The following NFATC3 variants were observed in gnomAD, a reference collection of about 807,000 sequenced individuals.
The protein encoded by NFATC3 is nuclear factor of activated T-cells, cytoplasmic 3.
NFATC3 carries 46 observed loss-of-function variants against 98.6 expected under a neutral mutation model. The observed-to-expected ratio is 0.47, with a 90% confidence interval of 0.37 to 0.60. The LOEUF (loss-of-function observed/expected upper bound fraction) is 0.60, where lower values mean the gene tolerates loss of function less well. Ranked by LOEUF, NFATC3 falls within the 20% of genes least tolerant of loss-of-function variation. The probability of loss-of-function intolerance (pLI) is 0.00; values close to 1 mark genes in which losing one functional copy is unlikely to be tolerated. For synonymous variants in NFATC3, 512 were observed against 472.2 expected (o/e 1.08, Z -1.09); for missense variants, 1,256 against 1,295.5 (o/e 0.97, Z 0.47).
chr16:68,196,612 T>C (rs941524412), intron 9 of NFATC3, among the ~76,000 whole-genome samples: 2 of 151,618 alleles, frequency 1.3e-5, no homozygotes, highest in African/African-American at 4.8e-5. Flanking sequence ...GAGAATTGCT[T>C]GAACCCGGGA....
At chr16:68,145,560 C>T (rs1288832377) in intron 3 of NFATC3, among the ~76,000 whole-genome samples, 5 of 152,180 alleles carry the variant, frequency 3.3e-5, no homozygotes, top group African/African-American at 1.2e-4. Flanking sequence ...ACTGTTGATA[C>T]ATGCAACAAC....
intron 9 of NFATC3, among the ~76,000 whole-genome samples, chr16:68,206,720 C>G (rs997700960): frequency 2.6e-5 from 4 of 152,144 alleles, no homozygotes; most frequent in African/African-American, 9.7e-5. Flanking sequence ...CAGTAGCTCA[C>G]GTCTCTAATC....
Position 68,191,611 on chromosome 16 carries a change from C to T in NFATC3, c.2942C>T (p.Thr981Met), listed in dbSNP as rs1221156861. 1.9e-6 allele frequency: 3 copies of T among 1,614,126 alleles called. No homozygotes were observed. The highest frequency in any genetic ancestry group is 2.2e-5 in the East Asian group (1 of 44,878). The change falls in exon 9 of 10, where the codon ACG becomes ATG. Residue 981 changes from threonine (T) to methionine (M), a missense_variant. Thr to Met is a moderately conservative substitution (Grantham distance 81). Coordinates refer to ENST00000346183, the MANE Select transcript of NFATC3 (RefSeq NM_173165.3). ...SGQHSTQAQS[T>M]GQGGLSAPSS... ...CAGCACTCAACTCAAGCACAAAGTACGGGCCAGGGGGGTCTTTCTGCACCT... is the reference window on the plus strand; with the variant it reads ...CAGCACTCAACTCAAGCACAAAGTATGGGCCAGGGGGGTCTTTCTGCACCT...
chr16:68,157,331 T>C (rs1477245181), intron 3 of NFATC3, among the ~76,000 whole-genome samples: 1 of 152,122 alleles, frequency 6.6e-6, no homozygotes, highest in Non-Finnish European at 1.5e-5. Context: ...TGTCTCCCTG[T>C]GGTTGGTGGC....
chr16:68,086,901 T>G (rs1023607348), intron 1 of NFATC3: 26 of 589,950 alleles, frequency 4.4e-5, no homozygotes, highest in Non-Finnish European at 4.9e-5. Flanking sequence ...TATTTTCAAT[T>G]CCATTAACAT....
intron 2 of NFATC3, among the ~76,000 whole-genome samples, chr16:68,125,781 C>T (rs1318370454): frequency 1.3e-5 from 2 of 151,964 alleles, no homozygotes; most frequent in Non-Finnish European, 2.9e-5. Context: ...AGTTCATACA[C>T]ATAGTTGAGA....
At chr16:68,209,276 C>T (rs920544866) in intron 9 of NFATC3, among the ~76,000 whole-genome samples, 1 of 152,036 alleles carries the variant, frequency 6.6e-6, no homozygotes, top group Non-Finnish European at 1.5e-5. Context: ...CTGAGGCGGG[C>T]AGATAGCTAG....
chr16:68,148,044 CTT>C (rs1456563729), intron 3 of NFATC3, among the ~76,000 whole-genome samples: 6 of 152,022 alleles, frequency 3.9e-5, no homozygotes, highest in Non-Finnish European at 8.8e-5. Flanking sequence ...GAGTTTTGCT[CTT>C]GTTTTGCACT....
intron 9 of NFATC3, among the ~76,000 whole-genome samples, chr16:68,224,043 G>T (rs1352680654): frequency 1.3e-5 from 2 of 148,168 alleles, no homozygotes; most frequent in Non-Finnish European, 3.0e-5. Context: ...ACAGGAGATC[G>T]AGACCGTCCT....
At chr16:68,218,724 C>T (rs142854649) in intron 9 of NFATC3, among the ~76,000 whole-genome samples, 2,594 of 150,754 alleles carry the variant, frequency 0.017, 27 homozygotes, top group Non-Finnish European at 0.027. Flanking sequence ...AGGTGCCTGC[C>T]GCCACGCCCA....
chr16:68,146,828 G>A (rs1308505062), intron 3 of NFATC3, among the ~76,000 whole-genome samples: 1 of 152,248 alleles, frequency 6.6e-6, no homozygotes, highest in Admixed American at 6.5e-5. Flanking sequence ...TTTCTTCTGC[G>A]AAGCAGAGGG....
Position 68,122,563 on chromosome 16 carries a change from A to G in NFATC3, c.680A>G (p.Gln227Arg). 6.2e-7 allele frequency: 1 copy of G among 1,614,188 alleles called. No individual in the cohort carries two copies. The highest frequency in any genetic ancestry group is 8.5e-7 in the Non-Finnish European group (1 of 1,180,036). ...GGCPGEETWHQQYGLGHSLSP... is the reference protein window; with the variant it reads ...GGCPGEETWHRQYGLGHSLSP... Reference sequence around the variant, plus strand: ...TGCCCTGGAGAAGAAACTTGGCATCAACAGTATGGACTTGGACACTCATTA... The same window carrying G: ...TGCCCTGGAGAAGAAACTTGGCATCGACAGTATGGACTTGGACACTCATTA... Residue 227 changes from glutamine to arginine, a missense_variant, in exon 2 of 10, where the codon CAA (glutamine) becomes CGA (arginine). Transcript: ENST00000346183.
chr16:68,179,413 G>C (rs990771195), intron 6 of NFATC3, among the ~76,000 whole-genome samples: 7 of 152,222 alleles, frequency 4.6e-5, no homozygotes, highest in African/African-American at 1.7e-4. Flanking sequence ...GCTGAACTGA[G>C]CTGTAATTTT....
intron 1 of NFATC3, chr16:68,089,631 A>C (rs990246071): frequency 1.3e-5 from 2 of 152,140 alleles, no homozygotes; most frequent in Non-Finnish European, 2.9e-5. Context: ...CTTTTACTTA[A>C]TATCTAGCTC....
In NFATC3 at chr16:68,190,856, TTCCTCTGA is replaced by T. The variant is rs1281198942; in HGVS notation, c.2189_2196del (p.Ser730PhefsTer6). 1 of 1,614,144 alleles carries T rather than the reference TTCCTCTGA, an allele frequency of 6.2e-7. No homozygotes were observed. Among genetic ancestry groups the T allele is most frequent in the South Asian group, 1.1e-5 (1 of 91,084 alleles). On this transcript the variant is annotated frameshift_variant, in exon 9 of 10. Transcript: ENST00000346183. LOFTEE classifies it high-confidence loss of function. ...CTCATCCTGCTCAGACCCAGAGGCC[TTCCTCTGA>T]TTCAGGGTGTTCACATGACAGTGTA...
intron 1 of NFATC3, among the ~76,000 whole-genome samples, chr16:68,102,311 G>A (rs931897037): frequency 1.4e-5 from 2 of 143,400 alleles, no homozygotes; most frequent in African/African-American, 5.2e-5. Context: ...GGCAGAGGTT[G>A]CAGTGAGCCG....
intron 1 of NFATC3, among the ~76,000 whole-genome samples, chr16:68,112,934 A>G (rs978565786): frequency 1.3e-5 from 2 of 152,054 alleles, no homozygotes; most frequent in African/African-American, 4.8e-5. Context: ...TTTCAGCTCA[A>G]TCAGGTCATT....
chr16:68,157,942 C>G lies in NFATC3; in HGVS notation c.1475C>G (p.Pro492Arg). The G allele has an allele frequency of 1.2e-6, 2 of 1,613,856 alleles. No individual in the cohort carries two copies. Among genetic ancestry groups the G allele is most frequent in the Non-Finnish European group, 8.5e-7 (1 of 1,179,918 alleles). Reference protein sequence around the residue: ...IGTADDRYLRPHAFYQVHRIT... With the variant: ...IGTADDRYLRRHAFYQVHRIT... ...ACAGCAGATGATCGATATTTACGAC[C>G]TCATGCATTTTACCAGGTGCATCGA... The change falls in exon 4 of 10, where the codon CCT becomes CGT. Residue 492 changes from proline (P) to arginine (R), a missense_variant. Physicochemically the swap from Pro to Arg is moderately radical, Grantham distance 103. Transcript: ENST00000346183.
At position 68,126,613 on chromosome 16, in the gene NFATC3, A is replaced by T. The variant is rs768442825; in HGVS notation, c.1401+3A>T. On this transcript the variant is annotated splice_donor_region_variant and intron_variant, in intron 3 of 9. Transcript: ENST00000346183. ...CTGGGGGACATCCTGTTGTGAAGGT[A>T]TGAGACTTTTGGGGCTTGTTTTGCA... The T allele has an allele frequency of 1.2e-6, 2 of 1,613,880 alleles. No individual in the cohort carries two copies. Among genetic ancestry groups the T allele is most frequent in the African/African-American group, 2.7e-5 (2 of 74,924 alleles).
Sources: allele counts gnomAD v4.1 joint callset (sites outside exome capture counted in the v4.1 genomes callset), GRCh38; gene constraint gnomAD v4.1.1; transcripts MANE v1.5; gene names NCBI Gene and HGNC (gene_info 2026-07-23, HGNC 2026-07-21).